NAA60: variants seen among roughly 807,000 people sequenced by gnomAD.
The protein encoded by NAA60 is N-alpha-acetyltransferase 60, NatF catalytic subunit.
A neutral mutation model predicts 26.1 loss-of-function variants in NAA60; 8 were observed. The observed-to-expected ratio is 0.31, with a 90% CI of 0.18 to 0.55. The LOEUF (loss-of-function observed/expected upper bound fraction) is 0.55, where lower values mean the gene tolerates loss of function less well. NAA60 is among the 20% of genes least tolerant of loss of function. The pLI is 0.93. For missense variants in NAA60, 290 were observed against 311.3 expected (o/e 0.93, Z 0.51); for synonymous variants, 131 against 122.5 (o/e 1.07, Z -0.46).
rs1444402334 is a variant in NAA60 at position 3,448,471 on chromosome 16, C to A, written c.-76C>A. On this transcript the variant is annotated splice_region_variant and 5_prime_UTR_variant, in exon 2 of 8. Transcript: ENST00000407558. ...GGCCTTGTGTCTTTCTCCCCTGCAGCATACAGAAAGGCTGTACCTGGAGGA... is the reference window on the plus strand; with the variant it reads ...GGCCTTGTGTCTTTCTCCCCTGCAGAATACAGAAAGGCTGTACCTGGAGGA... 1 of 1,535,300 alleles carries A rather than the reference C, an allele frequency of 6.5e-7. No homozygotes were observed. The highest frequency in any genetic ancestry group is 8.7e-7 in the Non-Finnish European group (1 of 1,146,786).
At chr16:3,468,729 G>C (rs1415638840) in intron 2 of NAA60, among the ~76,000 whole-genome samples, 1 of 152,220 alleles carries the variant, frequency 6.6e-6, no homozygotes, top group Non-Finnish European at 1.5e-5. Flanking sequence ...CCAGCCAGGA[G>C]AGATTTCTCA....
intron 1 of NAA60, chr16:3,447,635 C>T (rs2034607607): frequency 1.0e-6 from 1 of 985,260 alleles, no homozygotes; most frequent in South Asian, 4.7e-5. Context: ...GCAAGATTAT[C>T]TTTCTCCCAA....
chr16:3,481,125 T>A (rs1299123164), intron 4 of NAA60, among the ~76,000 whole-genome samples: 1 of 151,960 alleles, frequency 6.6e-6, no homozygotes, highest in Non-Finnish European at 1.5e-5. Flanking sequence ...TTTTCTCTCC[T>A]CTTTTTTTTT....
chr16:3,484,288 G>C (rs2037035718), intron 6 of NAA60, among the ~76,000 whole-genome samples: 1 of 152,196 alleles, frequency 6.6e-6, no homozygotes, highest in Non-Finnish European at 1.5e-5. Flanking sequence ...CTTATGTGAA[G>C]ACAGGCATCC....
chr16:3,446,348 G>A (rs1006922097), intron 1 of NAA60, among the ~76,000 whole-genome samples: 4 of 151,904 alleles, frequency 2.6e-5, no homozygotes, highest in Admixed American at 1.3e-4. Flanking sequence ...TGGCTAACAC[G>A]ATGAAACCCC....
Position 3,485,524 on chromosome 16 carries a change from C to T in NAA60, c.*264C>T, listed in dbSNP as rs530492898. 2.2e-6 allele frequency: 1 copy of T among 455,594 alleles called. No homozygotes were observed. Among genetic ancestry groups the T allele is most frequent in the Non-Finnish European group, 4.4e-6 (1 of 226,386 alleles). The allele number at this position is 455,594 out of a possible 1,614,324, so 28.2% of individuals were successfully genotyped here. On this transcript the variant is annotated 3_prime_UTR_variant, in exon 8 of 8. Coordinates refer to ENST00000407558, the MANE Select transcript of NAA60 (RefSeq NM_001083601.3). ...CTCTGCCTGCTGCCCTGGCCCTGCC[C>T]CCCTGCGCATGCACCGTCCCCAGGG...
chr16:3,477,493 G>A (rs1410964547), intron 3 of NAA60, among the ~76,000 whole-genome samples: 1 of 152,228 alleles, frequency 6.6e-6, no homozygotes, highest in Non-Finnish European at 1.5e-5. Flanking sequence ...GCTGGCGGTG[G>A]CAACATGAGT....
At chr16:3,449,466 C>T (rs566647674) in intron 2 of NAA60, among the ~76,000 whole-genome samples, 10 of 151,302 alleles carry the variant, frequency 6.6e-5, no homozygotes, top group South Asian at 2.1e-4. Context: ...TGCAGTGAGC[C>T]GAGATCACAC....
chr16:3,450,713 A>G (rs1487873520), intron 2 of NAA60, among the ~76,000 whole-genome samples: 7 of 137,368 alleles, frequency 5.1e-5, no homozygotes, highest in African/African-American at 2.5e-4. Context: ...AAAAAAAAAA[A>G]AAAAAAAAAA....
At chr16:3,484,463 T>C in intron 6 of NAA60, 1 of 589,692 alleles carries the variant, frequency 1.7e-6, no homozygotes, top group Non-Finnish European at 3.0e-6. Flanking sequence ...ACATGCCTGC[T>C]GCCTCACTCA....
intron 6 of NAA60, 75 bp downstream of exon 6, chr16:3,483,672 G>A: frequency 8.7e-7 from 1 of 1,150,662 alleles, no homozygotes. Flanking sequence ...GCAAGTTGGA[G>A]CTGTGGTCCC....
At chr16:3,463,643 T>G (rs1311245993) in intron 2 of NAA60, among the ~76,000 whole-genome samples, 1 of 150,230 alleles carries the variant, frequency 6.7e-6, no homozygotes, top group African/African-American at 2.5e-5. Context: ...GGTATGAGGA[T>G]CCTTTGAGTC....
intron 1 of NAA60, 116 bp from the exon 2 acceptor site, chr16:3,448,355 G>A (rs1438396870): frequency 6.5e-5 from 45 of 689,186 alleles, no homozygotes; most frequent in East Asian, 6.0e-4. Context: ...CCCCAAAAGG[G>A]CCCATCAGAT....
chr16:3,460,382 G>T (rs147198574), intron 2 of NAA60, among the ~76,000 whole-genome samples: 3 of 152,204 alleles, frequency 2.0e-5, no homozygotes, highest in Admixed American at 2.0e-4. Context: ...TTGTTTTTTG[G>T]AGATAGGTTC....
intron 2 of NAA60, among the ~76,000 whole-genome samples, chr16:3,470,650 C>T (rs1046243583): frequency 6.7e-6 from 1 of 149,542 alleles, no homozygotes; most frequent in Admixed American, 6.8e-5. Context: ...GGAGCAACGG[C>T]AGGGCAGGGG....
chr16:3,476,997 C>T (rs1190237943), intron 3 of NAA60, among the ~76,000 whole-genome samples: 3 of 151,772 alleles, frequency 2.0e-5, no homozygotes, highest in Admixed American at 1.3e-4. Flanking sequence ...GCCGAGATTG[C>T]GCCATTGCAC....
intron 2 of NAA60, among the ~76,000 whole-genome samples, chr16:3,453,377 GAGTGAGACTCTGTCTCCA>G (rs1018907336): frequency 2.0e-5 from 3 of 152,070 alleles, no homozygotes; most frequent in African/African-American, 7.2e-5. Context: ...CTGGGCAACA[GAGTGAGACTCTGTCTCCA>G]ATAATGAAAT....
At chr16:3,451,668 A>C (rs1200892057) in intron 2 of NAA60, among the ~76,000 whole-genome samples, 1 of 152,200 alleles carries the variant, frequency 6.6e-6, no homozygotes, top group Non-Finnish European at 1.5e-5. Context: ...CTGTAATCCT[A>C]ACACTTTGGG....
rs749969711 is a variant in NAA60, at chr16:3,484,690, G to T, written c.573-9G>T. 6 of 1,583,948 alleles carry T rather than the reference G, an allele frequency of 3.8e-6. No homozygotes were observed. The South Asian group carries it at 6.9e-5, about 18-fold the overall frequency. On this transcript the variant is annotated splice_polypyrimidine_tract_variant and intron_variant, in intron 6 of 7. Coordinates refer to ENST00000407558, the MANE Select transcript of NAA60 (RefSeq NM_001083601.3). Reference sequence around the variant, plus strand: ...GGGCAAGTCGGAATCTTCCTTAACAGAGCCCCACGGACTACATCCAGCACC... The same window carrying T: ...GGGCAAGTCGGAATCTTCCTTAACATAGCCCCACGGACTACATCCAGCACC...
Sources: gnomAD v4.1 joint callset for allele counts (sites outside exome capture counted in the v4.1 genomes callset) on GRCh38, gnomAD v4.1.1 for gene constraint, MANE v1.5 for transcripts, NCBI Gene and HGNC (gene_info 2026-07-23, HGNC 2026-07-21) for gene names.